The following LOXHD1 variants were observed in gnomAD, a reference collection of about 807,000 sequenced individuals.
The protein encoded by LOXHD1 is lipoxygenase homology domain-containing protein 1.
LOXHD1 carries 205 observed loss-of-function variants against 248.2 expected under a neutral mutation model. The ratio of observed to expected loss-of-function variants is 0.83; its 90% CI spans 0.74 to 0.93. The LOEUF (loss-of-function observed/expected upper bound fraction) is 0.93, where lower values mean the gene tolerates loss of function less well. Among genes scored for constraint, LOXHD1 ranks in the 40% least tolerant of loss-of-function variants. The probability of loss-of-function intolerance (pLI) is 0.00; values close to 1 mark genes in which losing one functional copy is unlikely to be tolerated. For synonymous variants in LOXHD1, 1,113 were observed against 1,162.8 expected (o/e 0.96, Z 0.87); for missense variants, 2,930 against 2,971.6 (o/e 0.99, Z 0.33).
intron 12 of LOXHD1, among the ~76,000 whole-genome samples, chr18:46,581,066 G>C (rs2037953076): frequency 1.3e-5 from 2 of 152,138 alleles, no homozygotes. Context: ...TTCAAGCAAG[G>C]AAGTAACTTG....
At chr18:46,542,251 C>T (rs947549793) in intron 24 of LOXHD1, among the ~76,000 whole-genome samples, 1 of 152,106 alleles carries the variant, frequency 6.6e-6, no homozygotes, top group Admixed American at 6.6e-5. Context: ...GCTGTCCTTC[C>T]TTGAAGAAGG....
chr18:46,500,471 C>G (rs2034156066), intron 37 of LOXHD1, among the ~76,000 whole-genome samples: 1 of 152,168 alleles, frequency 6.6e-6, no homozygotes, highest in East Asian at 1.9e-4. Flanking sequence ...AATCGGTCTG[C>G]TTTTTCTCCA....
chr18:46,600,603 AAAAGG>A (rs869048905), intron 8 of LOXHD1, among the ~76,000 whole-genome samples: 4 of 132,784 alleles, frequency 3.0e-5, no homozygotes, highest in Admixed American at 8.3e-5. Flanking sequence ...TGTCCAAAAA[AAAAGG>A]AAGGAAGGAA....
chr18:46,617,149 T>G (rs2144325727), intron 5 of LOXHD1, among the ~76,000 whole-genome samples: 1 of 152,346 alleles, frequency 6.6e-6, no homozygotes, highest in African/African-American at 2.4e-5. Context: ...GGGTCCCAAA[T>G]CACACTTGTA....
chr18:46,559,118 C>T, intron 20 of LOXHD1: 1 of 1,335,494 alleles, frequency 7.5e-7, no homozygotes, highest in Non-Finnish European at 9.8e-7. Context: ...TAGTTTTCCC[C>T]CAAGACACCA....
At chr18:46,589,438 T>G (rs1294941800) in intron 12 of LOXHD1, among the ~76,000 whole-genome samples, 1 of 152,166 alleles carries the variant, frequency 6.6e-6, no homozygotes, top group African/African-American at 2.4e-5. Context: ...CCGTCCCCCT[T>G]CGTTCAGTCC....
At chr18:46,593,510 AAACCTGGCTTAGAG>A in intron 10 of LOXHD1, 76 bp downstream of exon 10, 2 of 1,454,862 alleles carry the variant, frequency 1.4e-6, no homozygotes, top group Non-Finnish European at 1.9e-6. Context: ...ACTTGGTCCA[AAACCTGGCTTAGAG>A]AACCAGAATC....
At chr18:46,641,114 C>T (rs2038957824) in intron 3 of LOXHD1, among the ~76,000 whole-genome samples, 1 of 151,842 alleles carries the variant, frequency 6.6e-6, no homozygotes. Flanking sequence ...CCTTTCCCTG[C>T]TCGTAACCTC....
At chr18:46,597,542 G>GCA (rs1491182198) in intron 8 of LOXHD1, among the ~76,000 whole-genome samples, 10,141 of 61,032 alleles carry the variant, frequency 0.17, 878 homozygotes, top group African/African-American at 0.28. Flanking sequence ...AGTGGTACAT[G>GCA]CGCACACACA....
chr18:46,535,951 A>T lies in LOXHD1; in HGVS notation c.4096-1500T>A, dbSNP rs144715544. On this transcript the variant is annotated intron_variant, in intron 26 of 40. Transcript: ENST00000642948. The stretch of plus-strand genomic sequence containing the variant: ...CATGGTTGGTGGGCCTCAGAGAAAG[A>T]CTCAGAGGACATCAACATCAGAAGG... Among the ~76,000 whole-genome samples, 31 of 152,250 alleles carry T rather than the reference A, an allele frequency of 2.0e-4. No individual in the cohort carries two copies. The East Asian group carries it at 5.2e-3, about 26-fold the overall frequency.
intron 4 of LOXHD1, among the ~76,000 whole-genome samples, chr18:46,626,768 G>A (rs1775296076): frequency 6.6e-6 from 1 of 152,134 alleles, no homozygotes; most frequent in Non-Finnish European, 1.5e-5. Context: ...AAGCCTCTGT[G>A]TTTGCTCCTA....
At chr18:46,567,315 A>G (rs904822396) in intron 16 of LOXHD1, among the ~76,000 whole-genome samples, 1 of 152,262 alleles carries the variant, frequency 6.6e-6, no homozygotes, top group Non-Finnish European at 1.5e-5. Flanking sequence ...GGCCAGATTT[A>G]GAAAACTGTC....
At position 46,657,150 on chromosome 18, in the gene LOXHD1, C is replaced by G. The variant is rs1374537391; in HGVS notation, c.-117G>C. The G allele has an allele frequency of 6.7e-7, 1 of 1,494,462 alleles. No homozygotes were observed. Among genetic ancestry groups the G allele is most frequent in the Admixed American group, 2.1e-5 (1 of 48,100 alleles). The allele number at this position is 1,494,462 out of a possible 1,614,324, so 92.6% of individuals were successfully genotyped here. A position where few individuals can be genotyped will look rare whatever the true frequency, so the allele number is the denominator to read the frequency against. On this transcript the variant is annotated 5_prime_UTR_variant, in exon 1 of 41. Coordinates refer to ENST00000642948, the MANE Select transcript of LOXHD1 (RefSeq NM_001384474.1). Reference sequence around the variant, plus strand: ...GCCCACGGCCCTCCTATAGCTCAGGCCTGGGTGGGCCAGAGTGCCCCGTTT... The same window carrying G: ...GCCCACGGCCCTCCTATAGCTCAGGGCTGGGTGGGCCAGAGTGCCCCGTTT...
At chr18:46,603,530 C>T (rs1345803976) in intron 7 of LOXHD1, among the ~76,000 whole-genome samples, 1 of 152,214 alleles carries the variant, frequency 6.6e-6, no homozygotes, top group Middle Eastern at 3.4e-3. Flanking sequence ...ACATGCATGA[C>T]CATGACTGCC....
intron 21 of LOXHD1, among the ~76,000 whole-genome samples, chr18:46,551,217 C>T (rs1266750366): frequency 1.3e-5 from 2 of 151,984 alleles, no homozygotes; most frequent in African/African-American, 4.8e-5. Flanking sequence ...ATTCTCCTGC[C>T]TCAGCCTCCC....
rs1568185393 is a variant in LOXHD1 at position 46,560,386 on chromosome 18, T to G, written c.2758A>C (p.Lys920Gln). 1 of 1,552,080 alleles carries G rather than the reference T, an allele frequency of 6.4e-7. No homozygotes were observed. The highest frequency in any genetic ancestry group is 2.0e-5 in the Admixed American group (1 of 51,072). Residue 920 changes from lysine (K) to glutamine (Q), a missense_variant, in exon 19 of 41, where the codon AAG becomes CAG. Lys to Gln is a moderately conservative substitution (Grantham distance 53). Coordinates refer to ENST00000642948, the MANE Select transcript of LOXHD1 (RefSeq NM_001384474.1). ...PEEEARKKKE[K>Q]DKLRQLLKKE... Reference sequence around the variant, plus strand: ...TTGAGCAGCTGCCGCAGCTTGTCCTTCTCCTTCTTCTTCCGGGCCTCCTCC... The same window carrying G: ...TTGAGCAGCTGCCGCAGCTTGTCCTGCTCCTTCTTCTTCCGGGCCTCCTCC...
chr18:46,557,744 G>A (rs1486520449), intron 20 of LOXHD1, among the ~76,000 whole-genome samples: 2 of 152,218 alleles, frequency 1.3e-5, no homozygotes, highest in Non-Finnish European at 2.9e-5. Context: ...GAGGAAGAGT[G>A]AAGGTGACCT....
At chr18:46,643,144 C>T (rs2038984830) in intron 2 of LOXHD1, among the ~76,000 whole-genome samples, 1 of 152,186 alleles carries the variant, frequency 6.6e-6, no homozygotes, top group Non-Finnish European at 1.5e-5. Flanking sequence ...GTCAAACAAT[C>T]TGCCCTAGGA....
intron 28 of LOXHD1, among the ~76,000 whole-genome samples, chr18:46,531,685 C>T (rs8084877): frequency 0.017 from 2,536 of 152,326 alleles, 69 homozygotes; most frequent in African/African-American, 0.058. Flanking sequence ...ATCCTCCTCC[C>T]TCCCCGTCCC....
Sources: allele counts gnomAD v4.1 joint callset (sites outside exome capture counted in the v4.1 genomes callset), GRCh38; gene constraint gnomAD v4.1.1; transcripts MANE v1.5; gene names NCBI Gene and HGNC (gene_info 2026-07-23, HGNC 2026-07-21).